The following GALNTL6 variants were observed in gnomAD, a reference collection of about 807,000 sequenced individuals.
The protein encoded by GALNTL6 is polypeptide N-acetylgalactosaminyltransferase-like 6.
Under a neutral mutation model 73.7 loss-of-function variants are expected in GALNTL6, and 46 were observed. The observed-to-expected ratio is 0.62, with a 90% confidence interval of 0.49 to 0.80. The LOEUF is 0.80. Among genes scored for constraint, GALNTL6 ranks in the 30% least tolerant of loss-of-function variants. GALNTL6 has a pLI of 0.00. For synonymous variants in GALNTL6, 259 were observed against 263.7 expected, an observed-to-expected ratio of 0.98 and a Z score of 0.17; for missense variants, 604 against 755.0, an observed-to-expected ratio of 0.80 and a Z score of 2.34.
At chr4:172,490,042 G>C (rs1733841090) in intron 5 of GALNTL6, among the ~76,000 whole-genome samples, 1 of 152,154 alleles carries the variant, frequency 6.6e-6, no homozygotes. Flanking sequence ...AGGACTTTTA[G>C]AGTACTTTGC....
intron 8 of GALNTL6, among the ~76,000 whole-genome samples, chr4:172,897,358 A>G (rs1273019550): frequency 1.3e-5 from 2 of 152,192 alleles, no homozygotes; most frequent in African/African-American, 4.8e-5. Flanking sequence ...AGGCTGCAAG[A>G]TATGGGCAAT....
At chr4:171,859,896 T>C (rs575748794) in intron 2 of GALNTL6, among the ~76,000 whole-genome samples, 183 of 152,322 alleles carry the variant, frequency 1.2e-3, no homozygotes, top group African/African-American at 4.2e-3. Context: ...GGTAAACTTA[T>C]CTGGTCAGAT....
chr4:172,197,851 T>G (rs1735821819), intron 2 of GALNTL6, among the ~76,000 whole-genome samples: 1 of 152,186 alleles, frequency 6.6e-6, no homozygotes, highest in Non-Finnish European at 1.5e-5. Context: ...GGCTCACACC[T>G]GTAATCCCAG....
At chr4:173,039,892 CG>C in intron 12 of GALNTL6, 40 bp from the exon 13 acceptor site, 1 of 1,499,508 alleles carries the variant, frequency 6.7e-7, no homozygotes, top group Non-Finnish European at 9.1e-7. Context: ...CCATTCACCA[CG>C]TATTACAACA....
At chr4:172,813,785 AC>A (rs1741447705) in intron 7 of GALNTL6, 62 bp downstream of exon 7, 16 of 1,297,224 alleles carry the variant, frequency 1.2e-5, no homozygotes, top group Non-Finnish European at 1.7e-5. Flanking sequence ...GCAGTGTTAA[AC>A]CTGGGCTCAA....
intron 7 of GALNTL6, among the ~76,000 whole-genome samples, chr4:172,824,306 G>A (rs972383399): frequency 5.3e-5 from 8 of 152,006 alleles, no homozygotes; most frequent in Admixed American, 3.9e-4. Flanking sequence ...CTGCCACAGA[G>A]AAAGAACAGA....
At chr4:172,352,560 C>T (rs950861061) in intron 5 of GALNTL6, among the ~76,000 whole-genome samples, 5 of 152,088 alleles carry the variant, frequency 3.3e-5, no homozygotes, top group Non-Finnish European at 7.3e-5. Context: ...GCAACCTTAA[C>T]GGCATCCACA....
Position 172,983,923 on chromosome 4 carries a change from A to AT in GALNTL6, c.1372-25242dup, listed in dbSNP as rs61214068. 3.6e-3 allele frequency among the ~76,000 whole-genome samples: 528 copies of AT among 145,524 alleles called. 2 individuals are homozygous for AT. The highest frequency in any genetic ancestry group is 0.021 in the Admixed American group (305 of 14,500). On this transcript the variant is annotated intron_variant, in intron 10 of 12. Coordinates refer to ENST00000506823, the MANE Select transcript of GALNTL6 (RefSeq NM_001034845.3). ...TTTTGCCTGAGACATCTCCCGGTTG[A>AT]TTTTTTTTTTTTTAAGGTTAAAAAC...
chr4:172,815,489 G>A (rs1245430965), intron 7 of GALNTL6, among the ~76,000 whole-genome samples: 2 of 152,100 alleles, frequency 1.3e-5, no homozygotes, highest in East Asian at 1.9e-4. Context: ...TCCAAATACC[G>A]TGATAGTGAC....
chr4:173,005,104 G>A (rs994250418), intron 10 of GALNTL6, among the ~76,000 whole-genome samples: 8 of 7,892 alleles, frequency 1.0e-3, no homozygotes, highest in African/African-American at 1.2e-3. Flanking sequence ...GGAGCTGGGG[G>A]GCCGGTATTA....
intron 2 of GALNTL6, among the ~76,000 whole-genome samples, chr4:171,848,498 A>G (rs1273120863): frequency 6.6e-6 from 1 of 152,142 alleles, no homozygotes; most frequent in African/African-American, 2.4e-5. Flanking sequence ...CTCTCTATCT[A>G]TGATATTTTT....
chr4:172,712,728 T>C (rs888463863), intron 5 of GALNTL6, among the ~76,000 whole-genome samples: 5 of 152,200 alleles, frequency 3.3e-5, no homozygotes, highest in Admixed American at 1.3e-4. Flanking sequence ...TGAGTTACAT[T>C]ATGTATGCTT....
intron 12 of GALNTL6, among the ~76,000 whole-genome samples, chr4:173,026,774 C>T (rs1375830054): frequency 2.0e-5 from 3 of 152,088 alleles, no homozygotes; most frequent in African/African-American, 7.2e-5. Flanking sequence ...TGGATGTATG[C>T]ATTGCAATAT....
intron 5 of GALNTL6, among the ~76,000 whole-genome samples, chr4:172,571,855 T>C (rs912580580): frequency 6.6e-6 from 1 of 152,214 alleles, no homozygotes; most frequent in Non-Finnish European, 1.5e-5. Context: ...GTAGTTAGCC[T>C]CAGACACCGT....
intron 2 of GALNTL6, among the ~76,000 whole-genome samples, chr4:171,972,077 T>A (rs1028478018): frequency 6.6e-6 from 1 of 152,160 alleles, no homozygotes; most frequent in African/African-American, 2.4e-5. Flanking sequence ...TGTGTGAGCA[T>A]TATTTCAGCC....
At position 171,922,703 on chromosome 4, in the gene GALNTL6, C is replaced by T. The variant is rs112354563; in HGVS notation, c.138+107985C>T. 1.1e-3 allele frequency among the ~76,000 whole-genome samples: 174 copies of T among 151,982 alleles called. 1 individual carries two copies. The highest frequency in any genetic ancestry group is 3.4e-3 in the Middle Eastern group (1 of 294). ...CCTTCTGCATATTCTTAGACTGGGA[C>T]CATGGAAACAAACTCAATAGAATTG... is the stretch of plus-strand genomic sequence containing the variant. On this transcript the variant is annotated intron_variant, in intron 2 of 12. Transcript: ENST00000506823.
At chr4:172,044,211 G>C (rs1232297388) in intron 2 of GALNTL6, among the ~76,000 whole-genome samples, 1 of 151,670 alleles carries the variant, frequency 6.6e-6, no homozygotes, top group East Asian at 1.9e-4. Context: ...TTCCTTCTGG[G>C]CACTTCCTAT....
intron 2 of GALNTL6, among the ~76,000 whole-genome samples, chr4:171,895,167 A>T (rs926998058): frequency 2.0e-5 from 3 of 152,230 alleles, no homozygotes; most frequent in African/African-American, 7.2e-5. Context: ...TCTGGACACA[A>T]TATCTTGAAG....
intron 5 of GALNTL6, among the ~76,000 whole-genome samples, chr4:172,640,623 CAT>C (rs1363554532): frequency 2.0e-5 from 3 of 152,094 alleles, no homozygotes; most frequent in African/African-American, 7.2e-5. Context: ...GTCTTTTCTC[CAT>C]GTGTGTGCAC....
Sources: allele counts gnomAD v4.1 joint callset (sites outside exome capture counted in the v4.1 genomes callset), GRCh38; gene constraint gnomAD v4.1.1; transcripts MANE v1.5; gene names NCBI Gene and HGNC (gene_info 2026-07-23, HGNC 2026-07-21).